ST8SIA2: variants seen among roughly 807,000 people sequenced by gnomAD.
The protein encoded by ST8SIA2 is alpha-2,8-sialyltransferase 8B.
Under a neutral mutation model 37.6 loss-of-function variants are expected in ST8SIA2, and 22 were observed. That is an observed-to-expected ratio of 0.58 (90% CI 0.42 to 0.83). The LOEUF is 0.83. Among genes scored for constraint, ST8SIA2 ranks in the 40% least tolerant of loss-of-function variants. The pLI is 0.00. For missense variants in ST8SIA2, 382 were observed against 484.7 expected, an observed-to-expected ratio of 0.79 and a Z score of 1.99; for synonymous variants, 205 against 201.2, an observed-to-expected ratio of 1.02 and a Z score of -0.16.
intron 5 of ST8SIA2, among the ~76,000 whole-genome samples, chr15:92,455,331 CG>C (rs1005356584): frequency 1.3e-5 from 2 of 152,148 alleles, no homozygotes; most frequent in African/African-American, 4.8e-5. Context: ...AGGTGGCTCC[CG>C]GCATTTGTGT....
chr15:92,433,512 G>C (rs1035538224), intron 2 of ST8SIA2, among the ~76,000 whole-genome samples: 2 of 152,206 alleles, frequency 1.3e-5, no homozygotes, highest in African/African-American at 4.8e-5. Context: ...TGGAAAGGGG[G>C]TGTTTACCCA....
intron 5 of ST8SIA2, among the ~76,000 whole-genome samples, chr15:92,445,794 T>A (rs182509174): frequency 3.3e-5 from 5 of 152,332 alleles, no homozygotes; most frequent in Admixed American, 2.6e-4. Flanking sequence ...GTCTGAACTA[T>A]TCCTATCAAG....
chr15:92,397,536 G>A (rs531878459), intron 1 of ST8SIA2, among the ~76,000 whole-genome samples: 1 of 152,366 alleles, frequency 6.6e-6, no homozygotes, highest in South Asian at 2.1e-4. Flanking sequence ...TAGCCAAGGA[G>A]TGAATTCAAA....
chr15:92,395,403 C>G (rs1410353576), intron 1 of ST8SIA2, among the ~76,000 whole-genome samples: 1 of 152,184 alleles, frequency 6.6e-6, no homozygotes, highest in Non-Finnish European at 1.5e-5. Context: ...GGCGGGATGC[C>G]GAGGCCCCAA....
intron 1 of ST8SIA2, among the ~76,000 whole-genome samples, chr15:92,398,457 G>C (rs2049447797): frequency 6.6e-6 from 1 of 152,248 alleles, no homozygotes; most frequent in South Asian, 2.1e-4. Context: ...CGGTGAAGAT[G>C]ATGATCACGG....
At chr15:92,420,776 G>C (rs560065447) in intron 1 of ST8SIA2, 2 of 152,346 alleles carry the variant, frequency 1.3e-5, no homozygotes, top group South Asian at 4.2e-4. Flanking sequence ...GATGGCAACT[G>C]TCATGGAAAC....
chr15:92,395,645 A>G (rs2049425477), intron 1 of ST8SIA2, among the ~76,000 whole-genome samples: 3 of 152,176 alleles, frequency 2.0e-5, no homozygotes, highest in African/African-American at 7.2e-5. Context: ...GCTACTTTTC[A>G]TAGCTGCTCG....
At chr15:92,419,260 G>A (rs2141818854) in intron 1 of ST8SIA2, among the ~76,000 whole-genome samples, 1 of 152,324 alleles carries the variant, frequency 6.6e-6, no homozygotes, top group East Asian at 1.9e-4. Flanking sequence ...AGGCTCAGAA[G>A]AAGCAGGGGG....
At chr15:92,406,432 A>G (rs1351981272) in intron 1 of ST8SIA2, among the ~76,000 whole-genome samples, 3 of 152,164 alleles carry the variant, frequency 2.0e-5, no homozygotes, top group Non-Finnish European at 4.4e-5. Flanking sequence ...AGCAACATGG[A>G]CATCATCTGG....
intron 5 of ST8SIA2, among the ~76,000 whole-genome samples, chr15:92,451,284 C>A (rs924599329): frequency 2.6e-5 from 4 of 152,164 alleles, no homozygotes; most frequent in African/African-American, 4.8e-5. Flanking sequence ...CCAGGAGCTG[C>A]CACACTGGAG....
intron 1 of ST8SIA2, among the ~76,000 whole-genome samples, chr15:92,401,142 G>A (rs1389547731): frequency 6.6e-6 from 1 of 152,152 alleles, no homozygotes; most frequent in Non-Finnish European, 1.5e-5. Flanking sequence ...AGTGGAAACG[G>A]CCGGGGGAGG....
At position 92,464,767 on chromosome 15, in the gene ST8SIA2, C is replaced by T. The variant is rs1430584155; in HGVS notation, c.*382C>T. 2 of 253,208 alleles carry T rather than the reference C, an allele frequency of 7.9e-6. No individual in the cohort carries two copies. The highest frequency in any genetic ancestry group is 5.0e-5 in the Admixed American group (1 of 19,996). 15.7% of individuals were successfully genotyped at this position (253,208 alleles called of 1,614,324 possible). ...TTGGGCTCATGGATGAATGGCGAGC[C>T]ACCTGTTGTCAGCTGCCCCAAGCCT... On this transcript the variant is annotated 3_prime_UTR_variant, in exon 6 of 6. Transcript: ENST00000268164.
chr15:92,442,561 G>C (rs2049810842), intron 4 of ST8SIA2, among the ~76,000 whole-genome samples: 1 of 152,162 alleles, frequency 6.6e-6, no homozygotes, highest in African/African-American at 2.4e-5. Flanking sequence ...TCAGGACCCA[G>C]AGCTTGGCCT....
At chr15:92,423,328 G>A (rs529334762) in intron 1 of ST8SIA2, among the ~76,000 whole-genome samples, 1 of 152,340 alleles carries the variant, frequency 6.6e-6, no homozygotes, top group East Asian at 1.9e-4. Context: ...GGCTGAGACA[G>A]GAGAATCACT....
At chr15:92,415,221 G>A (rs542126836) in intron 1 of ST8SIA2, among the ~76,000 whole-genome samples, 1 of 152,050 alleles carries the variant, frequency 6.6e-6, no homozygotes, top group East Asian at 1.9e-4. Context: ...GAACATTACA[G>A]GGAGAAAATG....
At chr15:92,448,489 C>T (rs973199704) in intron 5 of ST8SIA2, among the ~76,000 whole-genome samples, 7 of 152,178 alleles carry the variant, frequency 4.6e-5, no homozygotes, top group South Asian at 2.1e-4. Context: ...AGGAGGAATC[C>T]GGCCAAGAGG....
chr15:92,445,107 C>A, intron 5 of ST8SIA2, 178 bp downstream of exon 5: 1 of 918,182 alleles, frequency 1.1e-6, no homozygotes, highest in Non-Finnish European at 1.7e-6. Flanking sequence ...GGGGGTTTGG[C>A]AAGTGGGTTT....
rs879449123 is a variant in ST8SIA2, at chr15:92,466,429, C to G, written c.*2044C>G. ...GAGCAGGTAGAATTTCCAGCAGGGC[C>G]TTGGTGGATTAACCAAGGCCTTGGA... is the stretch of plus-strand genomic sequence containing the variant. On this transcript the variant is annotated 3_prime_UTR_variant, in exon 6 of 6. Transcript: ENST00000268164. 2 of 152,120 alleles carry G rather than the reference C, an allele frequency of 1.3e-5. No individual in the cohort carries two copies. The highest frequency in any genetic ancestry group is 2.9e-5 in the Non-Finnish European group (2 of 68,032). 9.4% of individuals were successfully genotyped at this position (152,120 alleles called of 1,614,324 possible). A position where few individuals can be genotyped will look rare whatever the true frequency, so the allele number is the denominator to read the frequency against.
At chr15:92,399,381 C>G (rs1027052833) in intron 1 of ST8SIA2, among the ~76,000 whole-genome samples, 1 of 152,188 alleles carries the variant, frequency 6.6e-6, no homozygotes, top group Non-Finnish European at 1.5e-5. Flanking sequence ...AGCCAAACAC[C>G]AGGCCCTGTC....
Sources: gnomAD v4.1 joint callset for allele counts (sites outside exome capture counted in the v4.1 genomes callset) on GRCh38, gnomAD v4.1.1 for gene constraint, MANE v1.5 for transcripts, NCBI Gene and HGNC (gene_info 2026-07-23, HGNC 2026-07-21) for gene names.